Variants in ASXL2 observed in about 807,000 individuals in gnomAD.
ASXL2 encodes the protein ASXL transcriptional regulator 2, also known as putative Polycomb group protein ASXL2.
A neutral mutation model predicts 122.0 loss-of-function variants in ASXL2; 23 were observed. The ratio of observed to expected loss-of-function variants is 0.19; its 90% CI spans 0.14 to 0.27. ASXL2 has a LOEUF of 0.27. Ranked by LOEUF, ASXL2 falls within the 10% of genes least tolerant of loss-of-function variation. The pLI, the probability that ASXL2 is intolerant of heterozygous loss-of-function variation, is 1.00. For missense variants in ASXL2, 1,518 were observed against 1,713.8 expected, an observed-to-expected ratio of 0.89 and a Z score of 2.02; for synonymous variants, 650 against 637.0, an observed-to-expected ratio of 1.02 and a Z score of -0.31.
Position 25,750,216 on chromosome 2 carries a change from C to A in ASXL2, c.1340G>T (p.Cys447Phe). The A allele has an allele frequency of 1.9e-6, 3 of 1,614,016 alleles. No individual in the cohort carries two copies. Among genetic ancestry groups the A allele is most frequent in the Non-Finnish European group, 2.5e-6 (3 of 1,179,894 alleles). ...CGGCTGCACTTCACCTTGGCTTTCA[C>A]ACTCTTCTTTTCTGCCTGGTGATGA... is the stretch of plus-strand genomic sequence containing the variant. The part of the protein sequence containing the change: ...QMSSPGRKEE[C>F]ESQGEVQPNF... Residue 447 changes from cysteine (C) to phenylalanine (F), a missense_variant, in exon 12 of 13, where the codon TGT becomes TTT. Coordinates refer to ENST00000435504, the MANE Select transcript of ASXL2 (RefSeq NM_018263.6).
In ASXL2 at chr2:25,737,597, G is replaced by A. The variant is rs2087757768; in HGVS notation, c.*4432C>T. The A allele has an allele frequency of 6.6e-6, 1 of 152,104 alleles. No individual in the cohort carries two copies. The highest frequency in any genetic ancestry group is 1.5e-5 in the Non-Finnish European group (1 of 68,032). 9.4% of individuals were successfully genotyped at this position (152,104 alleles called of 1,614,324 possible). A position where few individuals can be genotyped will look rare whatever the true frequency, so the allele number is the denominator to read the frequency against. On this transcript the variant is annotated 3_prime_UTR_variant, in exon 13 of 13. Transcript: ENST00000435504. ...ACAATCTGTGGGAACCATCCCATAG[G>A]AGTATAAGGCAGTAACTGAGGACTC...
Position 25,753,700 on chromosome 2 carries a change from T to A in ASXL2, c.1037-61A>T, listed in dbSNP as rs2149142996. On this transcript the variant is annotated intron_variant, in intron 10 of 12. Transcript: ENST00000435504. ...AATGCTATTTGCAACATGTAACTAT[T>A]TATAAATCATGAAAGACTCACGCAG... is the stretch of plus-strand genomic sequence containing the variant. 5 of 1,269,010 alleles carry A rather than the reference T, an allele frequency of 3.9e-6. No homozygotes were observed. The South Asian group carries it at 6.3e-5, about 16-fold the overall frequency. The allele number at this position is 1,269,010 out of a possible 1,614,324, so 78.6% of individuals were successfully genotyped here. A position where few individuals can be genotyped will look rare whatever the true frequency, so the allele number is the denominator to read the frequency against.
intron 2 of ASXL2, among the ~76,000 whole-genome samples, chr2:25,844,168 T>C (rs566167727): frequency 2.0e-5 from 3 of 152,312 alleles, no homozygotes; most frequent in East Asian, 1.9e-4. Flanking sequence ...TTGAAAGCAC[T>C]GCAAACTTTT....
At chr2:25,853,249 C>A (rs2089738824) in intron 1 of ASXL2, among the ~76,000 whole-genome samples, 1 of 152,182 alleles carries the variant, frequency 6.6e-6, no homozygotes, top group African/African-American at 2.4e-5. Context: ...CACTCACTCA[C>A]CTGAGTTCAG....
chr2:25,822,498 T>C (rs2089324181), intron 3 of ASXL2: 2 of 483,364 alleles, frequency 4.1e-6, no homozygotes, highest in Non-Finnish European at 7.8e-6. Context: ...AGTGGTACTA[T>C]CGAAGGGACT....
intron 3 of ASXL2, among the ~76,000 whole-genome samples, chr2:25,832,589 A>G (rs1016308053): frequency 2.0e-5 from 3 of 152,180 alleles, no homozygotes; most frequent in African/African-American, 7.2e-5. Flanking sequence ...AAAAAATTCT[A>G]AACTATGCAG....
chr2:25,769,397 T>C (rs898883203), intron 6 of ASXL2, among the ~76,000 whole-genome samples: 2 of 152,292 alleles, frequency 1.3e-5, no homozygotes, highest in South Asian at 4.1e-4. Context: ...ATCAGTTGTC[T>C]TGGGTGACAG....
chr2:25,836,807 AC>A (rs2089517129), intron 2 of ASXL2, among the ~76,000 whole-genome samples: 1 of 152,096 alleles, frequency 6.6e-6, no homozygotes, highest in African/African-American at 2.4e-5. Flanking sequence ...TATATCATGA[AC>A]CCTTGGGATC....
At chr2:25,810,787 C>T (rs2089157618) in intron 3 of ASXL2, 1 of 520,574 alleles carries the variant, frequency 1.9e-6, no homozygotes, top group Non-Finnish European at 3.6e-6. Flanking sequence ...AGATTTAAGT[C>T]ACAAGAAGCT....
chr2:25,798,617 A>C (rs1038783956), intron 5 of ASXL2, among the ~76,000 whole-genome samples: 1 of 152,134 alleles, frequency 6.6e-6, no homozygotes, highest in African/African-American at 2.4e-5. Flanking sequence ...TACAAAAATT[A>C]GCTGGGCTTG....
At position 25,849,253 on chromosome 2, in the gene ASXL2, C is replaced by G. The variant is rs201713872; in HGVS notation, c.58-3690G>C. ...AGAAGTTCAAGACCAGCCTGGCCAA[C>G]ATGGAGATTCCCTGCCTCTGGTAAA... is the stretch of plus-strand genomic sequence containing the variant. On this transcript the variant is annotated intron_variant, in intron 1 of 12. Coordinates refer to ENST00000435504, the MANE Select transcript of ASXL2 (RefSeq NM_018263.6). 3.7e-4 allele frequency among the ~76,000 whole-genome samples: 55 copies of G among 150,140 alleles called. No individual in the cohort carries two copies. The East Asian group carries it at 0.01, about 28-fold the overall frequency.
intron 11 of ASXL2, among the ~76,000 whole-genome samples, chr2:25,750,916 A>G (rs1264494359): frequency 1.3e-5 from 2 of 152,214 alleles, no homozygotes; most frequent in African/African-American, 4.8e-5. Context: ...CCCAGGCCCA[A>G]AAAATCTAAG....
chr2:25,740,753 A>G lies in ASXL2; in HGVS notation c.*1276T>C, dbSNP rs2087813982. ...AGGCCTCTTTCCATTAGAAATTTCT[A>G]GTGCTCAGACAGCAGTAATCCAAAC... On this transcript the variant is annotated 3_prime_UTR_variant, in exon 13 of 13. Coordinates refer to ENST00000435504, the MANE Select transcript of ASXL2 (RefSeq NM_018263.6). 4.9e-6 allele frequency: 1 copy of G among 204,842 alleles called. No individual in the cohort carries two copies. The highest frequency in any genetic ancestry group is 6.0e-5 in the Admixed American group (1 of 16,782). 12.7% of individuals were successfully genotyped at this position (204,842 alleles called of 1,614,324 possible).
chr2:25,868,701 A>T (rs2089930248), intron 1 of ASXL2, among the ~76,000 whole-genome samples: 1 of 152,218 alleles, frequency 6.6e-6, no homozygotes, highest in African/African-American at 2.4e-5. Flanking sequence ...TACTTAATAT[A>T]TTTGACTAGC....
chr2:25,741,253 C>T lies in ASXL2; in HGVS notation c.*776G>A, dbSNP rs1574388090. 4.9e-5 allele frequency: 11 copies of T among 225,864 alleles called. No homozygotes were observed. In the East Asian group the frequency reaches 6.4e-4, roughly 13 times the overall value. 14.0% of individuals were successfully genotyped at this position (225,864 alleles called of 1,614,324 possible). A position where few individuals can be genotyped will look rare whatever the true frequency, so the allele number is the denominator to read the frequency against. On this transcript the variant is annotated 3_prime_UTR_variant, in exon 13 of 13. Transcript: ENST00000435504. ...CACAGCCTGTAACAACACAGGGGGT[C>T]CCAGAGAGGCACTCCCTTCACGGAC...
rs577756050 is a variant in ASXL2, at chr2:25,806,213, C to T, written c.252+16G>A. 4.2e-5 allele frequency: 64 copies of T among 1,538,308 alleles called. No homozygotes were observed. In the South Asian group the frequency reaches 7.3e-4, roughly 17 times the overall value. The stretch of plus-strand genomic sequence containing the variant: ...CTGTTTTTTCTTTCTAAATGACTCC[C>T]CAACAAAATATTTACCTTCAAAGTA... On this transcript the variant is annotated intron_variant, in intron 4 of 12. Coordinates refer to ENST00000435504, the MANE Select transcript of ASXL2 (RefSeq NM_018263.6).
At chr2:25,798,066 C>A (rs573511947) in intron 5 of ASXL2, among the ~76,000 whole-genome samples, 8 of 152,242 alleles carry the variant, frequency 5.3e-5, no homozygotes, top group African/African-American at 1.7e-4. Context: ...CAAATGAATA[C>A]CAGAACAGAA....
chr2:25,806,435 C>G (rs1317180193), intron 3 of ASXL2, 98 bp from the exon 4 acceptor site: 1 of 729,688 alleles, frequency 1.4e-6, no homozygotes, highest in East Asian at 2.7e-5. Flanking sequence ...TTAGTCAATA[C>G]TCCTTTGACT....
chr2:25,821,938 A>G (rs763861950), intron 3 of ASXL2, among the ~76,000 whole-genome samples: 1 of 152,190 alleles, frequency 6.6e-6, no homozygotes, highest in Non-Finnish European at 1.5e-5. Flanking sequence ...AGAGTACAAT[A>G]ATGCCACTGA....
Sources: gnomAD v4.1 joint callset for allele counts (sites outside exome capture counted in the v4.1 genomes callset) on GRCh38, gnomAD v4.1.1 for gene constraint, MANE v1.5 for transcripts, NCBI Gene and HGNC (gene_info 2026-07-23, HGNC 2026-07-21) for gene names.